PLEK: variants seen among roughly 807,000 people sequenced by gnomAD.
PLEK encodes the protein platelet 47 kDa protein.
A neutral mutation model predicts 43.9 loss-of-function variants in PLEK; 25 were observed. The observed-to-expected ratio is 0.57, with a 90% confidence interval of 0.41 to 0.79. The LOEUF is 0.79. Among genes scored for constraint, PLEK ranks in the 30% least tolerant of loss-of-function variants. PLEK has a pLI of 0.00. For missense variants in PLEK, 396 were observed against 413.3 expected, an observed-to-expected ratio of 0.96 and a Z score of 0.36; for synonymous variants, 152 against 144.4, an observed-to-expected ratio of 1.05 and a Z score of -0.38.
At chr2:68,369,144 A>T (rs1046468482) in intron 1 of PLEK, among the ~76,000 whole-genome samples, 19 of 152,380 alleles carry the variant, frequency 1.2e-4, no homozygotes, top group Admixed American at 7.8e-4. Context: ...AAGCAGGAAC[A>T]GTTCCAAGCA....
intron 6 of PLEK, among the ~76,000 whole-genome samples, chr2:68,391,007 T>C (rs952705140): frequency 6.6e-6 from 1 of 152,266 alleles, no homozygotes. Flanking sequence ...TTCTCTTGTA[T>C]CTGCTGCAGA....
At chr2:68,386,303 ACCCTTTAC>A (rs1182200405) in intron 4 of PLEK, among the ~76,000 whole-genome samples, 191 bp from the exon 5 acceptor site, 1 of 151,254 alleles carries the variant, frequency 6.6e-6, no homozygotes, top group Non-Finnish European at 1.5e-5. Context: ...GTTCTTAAAA[ACCCTTTAC>A]ATAGTTTTTT....
intron 5 of PLEK, chr2:68,388,003 G>A (rs1673782143): frequency 1.2e-5 from 2 of 172,474 alleles, no homozygotes; most frequent in African/African-American, 2.4e-5. Context: ...TGATAGTATT[G>A]CCAATGAGAA....
In PLEK at chr2:68,369,839, C is replaced by G. The variant is rs182946679; in HGVS notation, c.42+4446C>G. ...GCTCCAGAAGTCATGCTGTTAAGCA[C>G]TCTCTGTGCCATTTCTGTATTACTT... On this transcript the variant is annotated intron_variant, in intron 1 of 8. Coordinates refer to ENST00000234313, the MANE Select transcript of PLEK (RefSeq NM_002664.3). Among the ~76,000 whole-genome samples, 39 of 152,320 alleles carry G rather than the reference C, an allele frequency of 2.6e-4. 1 individual carries two copies. The East Asian group carries it at 7.3e-3, about 29-fold the overall frequency.
chr2:68,367,341 C>T lies in PLEK; in HGVS notation c.42+1948C>T, dbSNP rs146051098. Among the ~76,000 whole-genome samples, 536 of 151,866 alleles carry T rather than the reference C, an allele frequency of 3.5e-3. 3 individuals are homozygous for T. Among genetic ancestry groups the T allele is most frequent in the African/African-American group, 0.012 (492 of 41,420 alleles). ...TATATAGGTAAACTCCTGTGACAGG[C>T]GTTTGTTGTACAGATCATTTTGTTA... On this transcript the variant is annotated intron_variant, in intron 1 of 8. Coordinates refer to ENST00000234313, the MANE Select transcript of PLEK (RefSeq NM_002664.3).
At position 68,397,300 on chromosome 2, in the gene PLEK, T is replaced by C. The variant is rs1011912854; in HGVS notation, c.*1484T>C. ...TCCCACTCCCAGATGGTTTTATCAA[T>C]AGCCTAGAGGTAAAGAACTGTCTTT... is the stretch of plus-strand genomic sequence containing the variant. On this transcript the variant is annotated 3_prime_UTR_variant, in exon 9 of 9. Coordinates refer to ENST00000234313, the MANE Select transcript of PLEK (RefSeq NM_002664.3). The C allele has an allele frequency of 6.6e-6, 1 of 152,320 alleles. No homozygotes were observed. The highest frequency in any genetic ancestry group is 1.9e-4 in the East Asian group (1 of 5,190). 9.4% of individuals were successfully genotyped at this position (152,320 alleles called of 1,614,324 possible). A position where few individuals can be genotyped will look rare whatever the true frequency, so the allele number is the denominator to read the frequency against.
chr2:68,390,863 G>T (rs1368308046), intron 6 of PLEK, among the ~76,000 whole-genome samples: 1 of 152,160 alleles, frequency 6.6e-6, no homozygotes, highest in Non-Finnish European at 1.5e-5. Flanking sequence ...GAGGATGAAT[G>T]ATCTTAGATT....
chr2:68,381,246 G>T lies in PLEK; in HGVS notation c.380+342G>T, dbSNP rs114569532. ...AGGATCTTTAGGTAGAAAGGAAAAA[G>T]CAGGGGCTATGCATCCAAGCAAGCA... is the stretch of plus-strand genomic sequence containing the variant. On this transcript the variant is annotated intron_variant, in intron 3 of 8. Coordinates refer to ENST00000234313, the MANE Select transcript of PLEK (RefSeq NM_002664.3). Among the ~76,000 whole-genome samples, 526 of 152,290 alleles carry T rather than the reference G, an allele frequency of 3.5e-3. 3 individuals carry two copies. Among genetic ancestry groups the T allele is most frequent in the African/African-American group, 0.012 (487 of 41,566 alleles).
chr2:68,384,143 T>A lies in PLEK; in HGVS notation c.472+1510T>A, dbSNP rs112774306. 4.9e-3 allele frequency among the ~76,000 whole-genome samples: 739 copies of A among 150,772 alleles called. 7 individuals are homozygous for A. The highest frequency in any genetic ancestry group is 0.017 in the African/African-American group (695 of 41,174). On this transcript the variant is annotated intron_variant, in intron 4 of 8. Transcript: ENST00000234313. ...TGAGTCCCAGACTATTGGGCTGGTTTTTTTCTTCTTGTTCTCCTTCTCCTT... is the reference window on the plus strand; with the variant it reads ...TGAGTCCCAGACTATTGGGCTGGTTATTTTCTTCTTGTTCTCCTTCTCCTT...
At chr2:68,380,991 C>T in intron 3 of PLEK, 87 bp downstream of exon 3, 2 of 1,133,470 alleles carry the variant, frequency 1.8e-6, no homozygotes, top group Non-Finnish European at 2.6e-6. Flanking sequence ...GCTTTGACCA[C>T]CTCTGATGTT....
intron 1 of PLEK, among the ~76,000 whole-genome samples, chr2:68,370,835 C>G (rs747052113): frequency 2.6e-5 from 4 of 152,084 alleles, no homozygotes; most frequent in Non-Finnish European, 5.9e-5. Flanking sequence ...AGCATAGGAG[C>G]CATTCTATCA....
At chr2:68,371,539 A>C (rs1216215148) in intron 1 of PLEK, among the ~76,000 whole-genome samples, 2 of 152,206 alleles carry the variant, frequency 1.3e-5, no homozygotes, top group African/African-American at 4.8e-5. Context: ...GATTTAAGCA[A>C]TTTACATGGA....
At chr2:68,369,741 G>A (rs1167933674) in intron 1 of PLEK, among the ~76,000 whole-genome samples, 1 of 152,128 alleles carries the variant, frequency 6.6e-6, no homozygotes, top group African/African-American at 2.4e-5. Flanking sequence ...CTCATGCTTG[G>A]AAAAATTAAA....
chr2:68,388,318 A>C, intron 5 of PLEK, 69 bp from the exon 6 acceptor site: 1 of 855,640 alleles, frequency 1.2e-6, no homozygotes. Context: ...GGGAGGGGGA[A>C]TGGAGATGGC....
intron 4 of PLEK, among the ~76,000 whole-genome samples, chr2:68,383,224 T>C (rs1673665818): frequency 6.6e-6 from 1 of 152,192 alleles, no homozygotes; most frequent in South Asian, 2.1e-4. Context: ...ACAGTGCACC[T>C]ACCTCATAGG....
At chr2:68,366,742 G>A (rs930613934) in intron 1 of PLEK, among the ~76,000 whole-genome samples, 14 of 152,140 alleles carry the variant, frequency 9.2e-5, no homozygotes, top group Middle Eastern at 3.2e-3. Flanking sequence ...CTTGCAATAG[G>A]CACCAATAAT....
At chr2:68,369,385 G>A (rs1037313640) in intron 1 of PLEK, among the ~76,000 whole-genome samples, 4 of 152,016 alleles carry the variant, frequency 2.6e-5, no homozygotes, top group Admixed American at 6.6e-5. Context: ...TCGTACTGCA[G>A]TGACATTCTT....
chr2:68,372,969 A>G (rs181651508), intron 1 of PLEK, among the ~76,000 whole-genome samples: 1 of 151,858 alleles, frequency 6.6e-6, no homozygotes. Flanking sequence ...CAGATGTGGT[A>G]GGCCAATCAC....
At chr2:68,387,002 TTA>T (rs1673759278) in intron 5 of PLEK, among the ~76,000 whole-genome samples, 1 of 152,118 alleles carries the variant, frequency 6.6e-6, no homozygotes, top group Non-Finnish European at 1.5e-5. Flanking sequence ...TCCTATTTAC[TTA>T]TTATTATTTT....
Sources: allele counts gnomAD v4.1 joint callset (sites outside exome capture counted in the v4.1 genomes callset), GRCh38; gene constraint gnomAD v4.1.1; transcripts MANE v1.5; gene names NCBI Gene and HGNC (gene_info 2026-07-23, HGNC 2026-07-21).